The following CNTNAP5 variants were observed in gnomAD, a reference collection of about 807,000 sequenced individuals.
The protein encoded by CNTNAP5 is contactin associated protein family member 5.
In CNTNAP5, 72 loss-of-function variants were observed where a neutral mutation model predicts 150.2. The ratio of observed to expected loss-of-function variants is 0.48; its 90% CI spans 0.40 to 0.58. CNTNAP5 has a LOEUF of 0.58. CNTNAP5 is among the 20% of genes least tolerant of loss of function. The pLI, the probability that CNTNAP5 is intolerant of heterozygous loss-of-function variation, is 0.00. For synonymous variants in CNTNAP5, 672 were observed against 619.8 expected (o/e 1.08, Z -1.25); for missense variants, 1,636 against 1,626.2 (o/e 1.01, Z -0.10).
intron 19 of CNTNAP5, among the ~76,000 whole-genome samples, chr2:124,853,627 C>T (rs1252455629): frequency 2.6e-5 from 4 of 152,200 alleles, no homozygotes; most frequent in Non-Finnish European, 4.4e-5. Context: ...TCTTCCCAGA[C>T]AAACTCTTTC....
At position 124,566,485 on chromosome 2, in the gene CNTNAP5, C is replaced by G. The variant is rs763178703; in HGVS notation, c.1756+3162C>G. Among the ~76,000 whole-genome samples, 7 of 152,236 alleles carry G rather than the reference C, an allele frequency of 4.6e-5. 1 individual carries two copies. In the Middle Eastern group the frequency reaches 0.01, roughly 222 times the overall value. On this transcript the variant is annotated intron_variant, in intron 11 of 23. Transcript: ENST00000682447. ...GGTGAGGTGCTGATTTTTAAAGGAA[C>G]ACTGTCAAGCCTGATGAGCAGGAGA...
chr2:124,344,526 G>A (rs1339219520), intron 3 of CNTNAP5, among the ~76,000 whole-genome samples: 3 of 152,082 alleles, frequency 2.0e-5, no homozygotes, highest in Admixed American at 1.3e-4. Flanking sequence ...TCCCAACACT[G>A]TGGGAGGCCG....
chr2:124,785,962 G>A (rs1008156469), intron 17 of CNTNAP5, among the ~76,000 whole-genome samples: 20 of 152,242 alleles, frequency 1.3e-4, no homozygotes, highest in Admixed American at 2.0e-4. Flanking sequence ...CAAGCTGGCC[G>A]TTGTGGTTCA....
chr2:124,251,671 T>C (rs1306814554), intron 3 of CNTNAP5, among the ~76,000 whole-genome samples: 1 of 152,148 alleles, frequency 6.6e-6, no homozygotes, highest in Non-Finnish European at 1.5e-5. Context: ...GAAGAATGCA[T>C]GGACAGGTAC....
intron 4 of CNTNAP5, among the ~76,000 whole-genome samples, chr2:124,423,741 T>A (rs1235277393): frequency 1.6e-5 from 2 of 124,278 alleles, no homozygotes; most frequent in African/African-American, 5.9e-5. Context: ...CGCGGCTCAC[T>A]GCAAGCTCCG....
At chr2:124,034,405 G>T in intron 1 of CNTNAP5, among the ~76,000 whole-genome samples, 1 of 152,242 alleles carries the variant, frequency 6.6e-6, no homozygotes, top group South Asian at 2.1e-4. Context: ...CTGGGTAATC[G>T]GATGGGTGAG....
chr2:124,676,571 G>T (rs1678944116), intron 13 of CNTNAP5, among the ~76,000 whole-genome samples: 1 of 152,200 alleles, frequency 6.6e-6, no homozygotes, highest in Non-Finnish European at 1.5e-5. Context: ...CTCTGGAAAT[G>T]GAGCTTCTTA....
intron 17 of CNTNAP5, among the ~76,000 whole-genome samples, chr2:124,786,413 AGG>A (rs1681585881): frequency 9.2e-6 from 1 of 108,670 alleles, no homozygotes; most frequent in African/African-American, 4.4e-5. Context: ...GAAGGAAGGA[AGG>A]AAGGAAGGAA....
At chr2:124,862,874 C>T (rs1677555447) in intron 19 of CNTNAP5, among the ~76,000 whole-genome samples, 1 of 152,158 alleles carries the variant, frequency 6.6e-6, no homozygotes, top group African/African-American at 2.4e-5. Flanking sequence ...TTAAGAGGCA[C>T]TGATTGCATC....
At chr2:124,285,079 G>A (rs1688113951) in intron 3 of CNTNAP5, among the ~76,000 whole-genome samples, 2 of 152,138 alleles carry the variant, frequency 1.3e-5, no homozygotes, top group African/African-American at 4.8e-5. Context: ...GTTAGTTCTT[G>A]GAGTGTGAAT....
chr2:124,398,201 A>C (rs911260047), intron 3 of CNTNAP5, among the ~76,000 whole-genome samples: 4 of 152,196 alleles, frequency 2.6e-5, no homozygotes, highest in Admixed American at 2.6e-4. Flanking sequence ...GTTGCCTAGA[A>C]GAGGAGACCA....
rs1678780906 is a variant in CNTNAP5 at position 124,916,934 on chromosome 2, T to A, written c.*2646T>A. On this transcript the variant is annotated 3_prime_UTR_variant, in exon 24 of 24. Coordinates refer to ENST00000682447, the MANE Select transcript of CNTNAP5 (RefSeq NM_001367498.1). ...CTAGATATATATGAAATGCAAGTGA[T>A]CCGTACCCTCCAAAGTAGAATGTAA... 6.6e-6 allele frequency among the ~76,000 whole-genome samples: 1 copy of A among 152,064 alleles called. No individual in the cohort carries two copies. Among genetic ancestry groups the A allele is most frequent in the African/African-American group, 2.4e-5 (1 of 41,438 alleles).
intron 3 of CNTNAP5, among the ~76,000 whole-genome samples, chr2:124,376,211 C>A (rs1054791300): frequency 1.3e-5 from 2 of 151,920 alleles, no homozygotes; most frequent in Non-Finnish European, 2.9e-5. Context: ...TGAATTCAGG[C>A]GAAATAAAAT....
intron 19 of CNTNAP5, among the ~76,000 whole-genome samples, chr2:124,830,799 A>G (rs1682698362): frequency 6.6e-6 from 1 of 152,062 alleles, no homozygotes; most frequent in Non-Finnish European, 1.5e-5. Context: ...AGAACTGATG[A>G]AAAAGTTGAA....
chr2:124,854,691 A>G (rs1324073772), intron 19 of CNTNAP5, among the ~76,000 whole-genome samples: 1 of 152,248 alleles, frequency 6.6e-6, no homozygotes, highest in Non-Finnish European at 1.5e-5. Context: ...TGGAGATTTA[A>G]GATAGCATGT....
intron 17 of CNTNAP5, among the ~76,000 whole-genome samples, chr2:124,773,467 G>A (rs76304656): frequency 6.6e-5 from 10 of 152,188 alleles, no homozygotes; most frequent in South Asian, 4.1e-4. Flanking sequence ...AGGGATTTTC[G>A]TCAACAGTAA....
chr2:124,264,374 GCACACACACACACATACACACACA>G (rs1195790169), intron 3 of CNTNAP5, among the ~76,000 whole-genome samples: 4 of 50,200 alleles, frequency 8.0e-5, no homozygotes, highest in Middle Eastern at 0.011. Context: ...ACACACACAG[GCACACACACACACATACACACACA>G]CACACACACA....
intron 16 of CNTNAP5, among the ~76,000 whole-genome samples, chr2:124,766,789 A>C (rs1681078294): frequency 6.6e-6 from 1 of 152,194 alleles, no homozygotes; most frequent in Non-Finnish European, 1.5e-5. Context: ...TTTAGTGTTA[A>C]TTACGTATCA....
intron 7 of CNTNAP5, among the ~76,000 whole-genome samples, chr2:124,497,235 C>T (rs575713914): frequency 3.2e-4 from 49 of 152,142 alleles, no homozygotes; most frequent in Admixed American, 6.5e-4. Flanking sequence ...TAATAGGTGT[C>T]TTTGGGTAGT....
Sources: allele counts gnomAD v4.1 joint callset (sites outside exome capture counted in the v4.1 genomes callset), GRCh38; gene constraint gnomAD v4.1.1; transcripts MANE v1.5; gene names NCBI Gene and HGNC (gene_info 2026-07-23, HGNC 2026-07-21).